The following NFIC variants were observed in gnomAD, a reference collection of about 807,000 sequenced individuals.
The protein encoded by NFIC is nuclear factor I C.
In NFIC, 12 loss-of-function variants were observed where a neutral mutation model predicts 54.4. That is an observed-to-expected ratio of 0.22 (90% CI 0.14 to 0.36). The LOEUF is 0.36. Among genes scored for constraint, NFIC ranks in the 10% least tolerant of loss-of-function variants. The probability of loss-of-function intolerance (pLI) is 1.00; values close to 1 mark genes in which losing one functional copy is unlikely to be tolerated. For missense variants in NFIC, 575 were observed against 718.2 expected (o/e 0.80, Z 2.28); for synonymous variants, 322 against 319.2 (o/e 1.01, Z -0.09).
At chr19:3,414,552 G>A (rs919975440) in intron 2 of NFIC, among the ~76,000 whole-genome samples, 2 of 151,626 alleles carry the variant, frequency 1.3e-5, no homozygotes, top group Admixed American at 6.6e-5. Flanking sequence ...CCGAGATCAC[G>A]TCACCGCACT....
rs1202172414 is a variant in NFIC at position 3,465,417 on chromosome 19, GAA to G, written c.*2650_*2651del. Reference sequence around the variant, plus strand: ...GTAAAAAAAATAAAATAAAAAATAAGAAAGTGAGAATCTAAAAAAAAAAAAAA... The same window carrying G: ...GTAAAAAAAATAAAATAAAAAATAAGAGTGAGAATCTAAAAAAAAAAAAAA... On this transcript the variant is annotated 3_prime_UTR_variant, in exon 11 of 11. Coordinates refer to ENST00000443272, the MANE Select transcript of NFIC (RefSeq NM_001245002.2). 5.6e-5 allele frequency: 2 copies of G among 35,490 alleles called. No homozygotes were observed. Among genetic ancestry groups the G allele is most frequent in the African/African-American group, 1.1e-4 (1 of 8,858 alleles). 2.2% of individuals were successfully genotyped at this position (35,490 alleles called of 1,614,324 possible).
In NFIC at chr19:3,378,235, T is replaced by C. The variant is rs2081141079; in HGVS notation, c.31-3477T>C. The stretch of plus-strand genomic sequence containing the variant: ...GAGATTGTGCCACTGCACTCCAGCC[T>C]GGGTGACAAGAGTGAAACTCTGTCT... On this transcript the variant is annotated intron_variant, in intron 1 of 10. Transcript: ENST00000443272. Among the ~76,000 whole-genome samples the C allele has an allele frequency of 2.2e-5, 3 of 136,704 alleles. No individual in the cohort carries two copies. The South Asian group carries it at 7.1e-4, about 32-fold the overall frequency. The allele number at this position is 136,704 out of a possible 152,430, so 89.7% of individuals were successfully genotyped here. A position where few individuals can be genotyped will look rare whatever the true frequency, so the allele number is the denominator to read the frequency against.
chr19:3,371,998 C>CCTCTCTCTCTCTCTCTCTCTCTCT (rs56852086), intron 1 of NFIC, among the ~76,000 whole-genome samples: 4 of 35,370 alleles, frequency 1.1e-4, no homozygotes, highest in East Asian at 9.6e-4. Context: ...CCTCTCTCTC[C>CCTCTCTCTCTCTCTCTCTCTCTCT]CTCTCTCTCT....
rs2082673435 is a variant in NFIC, at chr19:3,463,609, A to T, written c.*840A>T. 2.0e-6 allele frequency: 2 copies of T among 983,984 alleles called. No individual in the cohort carries two copies. Among genetic ancestry groups the T allele is most frequent in the South Asian group, 9.4e-5 (2 of 21,254 alleles). 61.0% of individuals were successfully genotyped at this position (983,984 alleles called of 1,614,324 possible). A position where few individuals can be genotyped will look rare whatever the true frequency, so the allele number is the denominator to read the frequency against. On this transcript the variant is annotated 3_prime_UTR_variant, in exon 11 of 11. Coordinates refer to ENST00000443272, the MANE Select transcript of NFIC (RefSeq NM_001245002.2). ...CGTTTGGGAGGAGAAGTCTCTATGC[A>T]ATTGGCCCCGGCCCCTCCACCCCCC...
chr19:3,452,808 G>A lies in NFIC; in HGVS notation c.1269+142G>A. On this transcript the variant is annotated intron_variant, in intron 8 of 10. Coordinates refer to ENST00000443272, the MANE Select transcript of NFIC (RefSeq NM_001245002.2). The surrounding 1 kb of genome is among the most constrained non-coding windows in gnomAD (Gnocchi z 5.3). ...TGAAGTCCCCTCCTCTGTCGTGCTG[G>A]GAGGCAGCTGGATTGGGTCAGAATT... 1 of 1,029,462 alleles carries A rather than the reference G, an allele frequency of 9.7e-7. No homozygotes were observed. Among genetic ancestry groups the A allele is most frequent in the South Asian group, 1.6e-5 (1 of 62,080 alleles). 63.8% of individuals were successfully genotyped at this position (1,029,462 alleles called of 1,614,324 possible). A position where few individuals can be genotyped will look rare whatever the true frequency, so the allele number is the denominator to read the frequency against.
In NFIC at chr19:3,381,858, C is replaced by G; in HGVS notation, c.177C>G (p.Asp59Glu). 6.2e-7 allele frequency: 1 copy of G among 1,614,002 alleles called. No individual in the cohort carries two copies. The highest frequency in any genetic ancestry group is 8.5e-7 in the Non-Finnish European group (1 of 1,179,962). ...AGGACGAGGAGCGTGCGGTCAAGGA[C>G]GAGCTGCTGGGCGAGAAGCCCGAGG... Reference protein sequence around the residue: ...MSKDEERAVKDELLGEKPEVK... With the variant: ...MSKDEERAVKEELLGEKPEVK... Residue 59 changes from aspartate (D) to glutamate (E), a missense_variant, in exon 2 of 11, where the codon GAC (aspartate) becomes GAG (glutamate). Asp to Glu is a conservative substitution (Grantham distance 45). This residue lies in a region of NFIC where 122 missense variants were observed against 158.0 expected (regional missense o/e 0.77). Coordinates refer to ENST00000443272, the MANE Select transcript of NFIC (RefSeq NM_001245002.2).
At chr19:3,379,755 C>A (rs534187336) in intron 1 of NFIC, among the ~76,000 whole-genome samples, 16 of 139,380 alleles carry the variant, frequency 1.1e-4, no homozygotes, top group African/African-American at 3.3e-4. Context: ...AATGGCGCAA[C>A]CTTGGCTCAC....
rs977482713 is a variant in NFIC at position 3,437,216 on chromosome 19, A to C, written c.958+2009A>C. On this transcript the variant is annotated intron_variant, in intron 6 of 10. Coordinates refer to ENST00000443272, the MANE Select transcript of NFIC (RefSeq NM_001245002.2). ...CCCCGTCTCTACTAAAAATACAAAA[A>C]AAATAGCCGGGCGTGGCGGCGGGTG... Among the ~76,000 whole-genome samples, 3 of 152,074 alleles carry C rather than the reference A, an allele frequency of 2.0e-5. No individual in the cohort carries two copies. In the South Asian group the frequency reaches 6.2e-4, roughly 32 times the overall value.
chr19:3,366,447 G>GGCGGGC (rs1016091542), upstream of NFIC: 11 of 504,074 alleles, frequency 2.2e-5, no homozygotes, highest in African/African-American at 2.1e-4. Flanking sequence ...CAGAGAGCGA[G>GGCGGGC]GCGGGCGGCG....
In NFIC at chr19:3,359,947, G is replaced by A. The variant is rs1163606722; in HGVS notation, c.3+262G>A. ...GGCCCCTCGCGGGCGCCGCGAGTTG[G>A]CGAGGAGGGCGGGGCTCCCCGGAGA... is the stretch of plus-strand genomic sequence containing the variant. On this transcript the variant is annotated intron_variant, in intron 1 of 9. Transcript: ENST00000395111. 2.0e-5 allele frequency among the ~76,000 whole-genome samples: 3 copies of A among 150,226 alleles called. No homozygotes were observed. In the East Asian group the frequency reaches 6.1e-4, roughly 30 times the overall value.
Position 3,465,129 on chromosome 19 carries a change from C to T in NFIC, c.*2360C>T, listed in dbSNP as rs1036057742. On this transcript the variant is annotated 3_prime_UTR_variant, in exon 11 of 11. Coordinates refer to ENST00000443272, the MANE Select transcript of NFIC (RefSeq NM_001245002.2). ...GGCTCTATCTCCCTGTTCCTCGCCCCCTCCACCCCCCACTTCCTCTTTAAA... is the reference window on the plus strand; with the variant it reads ...GGCTCTATCTCCCTGTTCCTCGCCCTCTCCACCCCCCACTTCCTCTTTAAA... The T allele has an allele frequency of 6.8e-6, 1 of 146,828 alleles. No individual in the cohort carries two copies. Among genetic ancestry groups the T allele is most frequent in the Non-Finnish European group, 1.5e-5 (1 of 66,946 alleles). 9.1% of individuals were successfully genotyped at this position (146,828 alleles called of 1,614,324 possible).
Position 3,459,424 on chromosome 19 carries a change from A to T in NFIC, c.1509+2789A>T, listed in dbSNP as rs547591887. Among the ~76,000 whole-genome samples the T allele has an allele frequency of 5.3e-5, 8 of 151,826 alleles. No individual in the cohort carries two copies. Among genetic ancestry groups the T allele is most frequent in the Admixed American group, 2.0e-4 (3 of 15,264 alleles). The stretch of plus-strand genomic sequence containing the variant: ...CTTCACGCCCCTACATTTCTCCTGC[A>T]CGGGAACCCACGTAAGCAGCTGGGT... On this transcript the variant is annotated intron_variant, in intron 10 of 10. Transcript: ENST00000443272. This position sits in a 1 kb window ranked among gnomAD's most constrained non-coding sequence, Gnocchi z 4.2.
chr19:3,381,611 G>T (rs1026221630), intron 1 of NFIC, 101 bp from the exon 2 acceptor site: 14 of 1,468,998 alleles, frequency 9.5e-6, no homozygotes, highest in African/African-American at 2.8e-5. Context: ...CCACTCTGCG[G>T]GTCTGTTCAG....
At position 3,467,990 on chromosome 19, in the gene NFIC, A is replaced by G. The variant is rs1474891684; in HGVS notation, c.*5221A>G. ...ACACTTCCTGAGAGTCTCACCTTCA[A>G]AATGACACCGCTGCCCATCCATTGC... On this transcript the variant is annotated 3_prime_UTR_variant, in exon 11 of 11. Coordinates refer to ENST00000443272, the MANE Select transcript of NFIC (RefSeq NM_001245002.2). The G allele has an allele frequency of 6.6e-6, 1 of 151,100 alleles. No homozygotes were observed. The highest frequency in any genetic ancestry group is 1.5e-5 in the Non-Finnish European group (1 of 67,836). The allele number at this position is 151,100 out of a possible 1,614,324, so 9.4% of individuals were successfully genotyped here. A position where few individuals can be genotyped will look rare whatever the true frequency, so the allele number is the denominator to read the frequency against.
chr19:3,421,385 C>CTTGG (rs1446490957), intron 2 of NFIC, among the ~76,000 whole-genome samples: 5 of 152,202 alleles, frequency 3.3e-5, no homozygotes, highest in Non-Finnish European at 7.4e-5. Flanking sequence ...TCCTTCCCAA[C>CTTGG]GTCATGGCCA....
At chr19:3,450,122 G>A (rs2082436904) in intron 7 of NFIC, among the ~76,000 whole-genome samples, 1 of 152,060 alleles carries the variant, frequency 6.6e-6, no homozygotes, top group African/African-American at 2.4e-5. Context: ...AAGGCGGGCG[G>A]ATTACGAGGT....
chr19:3,433,421 G>GA (rs2082152006), intron 3 of NFIC, 97 bp from the exon 4 acceptor site: 3 of 1,317,182 alleles, frequency 2.3e-6, no homozygotes, highest in Non-Finnish European at 3.2e-6. Context: ...GAACGTCCAG[G>GA]CTCGGGCCAG....
At chr19:3,409,135 C>T (rs952746511) in intron 2 of NFIC, among the ~76,000 whole-genome samples, 8 of 152,164 alleles carry the variant, frequency 5.3e-5, no homozygotes, top group African/African-American at 1.2e-4. Flanking sequence ...CACAAGGCCC[C>T]GAATGGTCCC....
At chr19:3,387,413 A>C (rs1275389289) in intron 2 of NFIC, among the ~76,000 whole-genome samples, 1 of 152,060 alleles carries the variant, frequency 6.6e-6, no homozygotes, top group African/African-American at 2.4e-5. Context: ...GAGGCAGGAG[A>C]ATCGCTGGAA....
Sources: gnomAD v4.1 joint callset for allele counts (sites outside exome capture counted in the v4.1 genomes callset) on GRCh38, gnomAD v4.1.1 for gene constraint, gnomAD v4.1.1 regional missense constraint, Gnocchi (gnomAD v3.1) non-coding constraint, MANE v1.5 for transcripts, NCBI Gene and HGNC (gene_info 2026-07-23, HGNC 2026-07-21) for gene names.